FNTB: variants seen among roughly 807,000 people sequenced by gnomAD.
FNTB encodes the protein farnesyltransferase, CAAX box, subunit beta, also known as protein farnesyltransferase subunit beta.
In FNTB, 27 loss-of-function variants were observed where a neutral mutation model predicts 59.4. That is an observed-to-expected ratio of 0.45 (90% confidence interval 0.34 to 0.63). The LOEUF (loss-of-function observed/expected upper bound fraction) is 0.63, where lower values mean the gene tolerates loss of function less well. Ranked by LOEUF, FNTB falls within the 20% of genes least tolerant of loss-of-function variation. FNTB has a pLI of 0.02. For synonymous variants in FNTB, 230 were observed against 220.7 expected (o/e 1.04, Z -0.37); for missense variants, 449 against 559.6 (o/e 0.80, Z 1.99).
At chr14:65,013,683 G>A (rs2061720841) in intron 3 of FNTB, among the ~76,000 whole-genome samples, 1 of 152,142 alleles carries the variant, frequency 6.6e-6, no homozygotes, top group Admixed American at 6.5e-5. Flanking sequence ...GAGTGGCCAG[G>A]ATTACAGGTG....
At chr14:65,037,947 T>C (rs926228291) in intron 7 of FNTB, among the ~76,000 whole-genome samples, 3 of 151,562 alleles carry the variant, frequency 2.0e-5, no homozygotes, top group African/African-American at 7.3e-5. Flanking sequence ...ACCCAGCTAA[T>C]TTTTACGGGG....
chr14:65,053,149 G>C (rs547420027), intron 9 of FNTB, 89 bp from the exon 10 acceptor site: 4 of 1,052,596 alleles, frequency 3.8e-6, no homozygotes, highest in Non-Finnish European at 3.7e-6. Flanking sequence ...AGGAAACCTT[G>C]ACTATTCCCC....
Position 65,027,740 on chromosome 14 carries a change from C to T in FNTB, c.564C>T (p.Asp188=), listed in dbSNP as rs775905373. The stretch of plus-strand genomic sequence containing the variant: ...ATTTGTACTCCCTGAAGCAACCTGA[C>T]GGCTCCTTTCTCATGCATGTCGGAG... ...LQYLYSLKQP[D]GSFLMHVGGE... is the part of the protein sequence containing the mutation. Residue 188 remains aspartate (D), a synonymous_variant, in exon 6 of 12, where the codon GAC becomes GAT. Coordinates refer to ENST00000246166, the MANE Select transcript of FNTB (RefSeq NM_002028.4). This position sits in a 1 kb window ranked among gnomAD's most constrained non-coding sequence, Gnocchi z 5.7. 26 of 1,614,048 alleles carry T rather than the reference C, an allele frequency of 1.6e-5. No homozygotes were observed. In the Admixed American group the frequency reaches 1.7e-4, roughly 10 times the overall value.
chr14:65,022,026 A>C, intron 4 of FNTB: 1 of 456,044 alleles, frequency 2.2e-6, no homozygotes, highest in South Asian at 1.5e-5. Flanking sequence ...TGAAGAGTCA[A>C]ATAACACGTC....
At chr14:64,999,380 A>G (rs149385746) in intron 1 of FNTB, among the ~76,000 whole-genome samples, 10 of 152,308 alleles carry the variant, frequency 6.6e-5, no homozygotes, top group African/African-American at 1.9e-4. Flanking sequence ...AGAGGTTGCA[A>G]TGAGCCAAGA....
At chr14:65,006,114 G>T (rs1223073664) in intron 2 of FNTB, 31 of 1,592,798 alleles carry the variant, frequency 1.9e-5, no homozygotes, top group Non-Finnish European at 2.5e-5. Context: ...CTGCTTACTG[G>T]AACATTATAA....
intron 1 of FNTB, among the ~76,000 whole-genome samples, chr14:64,987,901 T>C (rs1319261452): frequency 6.6e-6 from 1 of 152,218 alleles, no homozygotes; most frequent in Admixed American, 6.5e-5. Context: ...GGTTGCTATG[T>C]GGAACTGTTT....
intron 1 of FNTB, among the ~76,000 whole-genome samples, chr14:64,996,766 CTTTTTTTTTTT>C (rs34327825): frequency 2.1e-5 from 2 of 94,464 alleles, no homozygotes; most frequent in African/African-American, 3.9e-5. Context: ...TTGCTAACAT[CTTTTTTTTTTT>C]TTTTTTTTTT....
chr14:65,048,979 A>T (rs1286217285), intron 9 of FNTB, among the ~76,000 whole-genome samples: 2 of 152,042 alleles, frequency 1.3e-5, no homozygotes, highest in Non-Finnish European at 2.9e-5. Flanking sequence ...ACAAAAAATT[A>T]GCCAGGCATG....
intron 1 of FNTB, among the ~76,000 whole-genome samples, chr14:64,993,037 G>A (rs1195485274): frequency 1.3e-5 from 2 of 152,148 alleles, no homozygotes; most frequent in East Asian, 3.9e-4. Context: ...GGGTTTCCCT[G>A]TGTTGCCCAG....
At chr14:65,015,088 G>C (rs1327089206) in intron 3 of FNTB, among the ~76,000 whole-genome samples, 2 of 149,794 alleles carry the variant, frequency 1.3e-5, no homozygotes, top group Admixed American at 1.3e-4. Flanking sequence ...TAATCCTGTT[G>C]TCTTTTTTTT....
In FNTB at chr14:65,011,230, C is replaced by A. The variant is rs1251876922; in HGVS notation, c.210-1087C>A. 6.6e-6 allele frequency among the ~76,000 whole-genome samples: 1 copy of A among 152,120 alleles called. No homozygotes were observed. On this transcript the variant is annotated intron_variant, in intron 2 of 11. Transcript: ENST00000246166. This position sits in a 1 kb window ranked among gnomAD's most constrained non-coding sequence, Gnocchi z 4.0. ...ATTACCTGAGGTCAGGAGTTCAAGA[C>A]CAGCCTGGGCAACATGGTGAAACCC...
In FNTB at chr14:64,997,394, C is replaced by G. The variant is rs560729708; in HGVS notation, c.145-6855C>G. On this transcript the variant is annotated intron_variant, in intron 1 of 11. Transcript: ENST00000246166. This position sits in a 1 kb window ranked among gnomAD's most constrained non-coding sequence, Gnocchi z 4.5. ...CACATCCCTATGATTTCATCCCCAA[C>G]CAGTCAACATTCCCATTCCCTAACC... Among the ~76,000 whole-genome samples, 9 of 152,290 alleles carry G rather than the reference C, an allele frequency of 5.9e-5. No individual in the cohort carries two copies. The East Asian group carries it at 1.7e-3, about 29-fold the overall frequency.
At position 65,011,457 on chromosome 14, in the gene FNTB, G is replaced by A. The variant is rs146604104; in HGVS notation, c.210-860G>A. ...AAAAAAAAAAAAAAAAAAAAAGACTGCATGAAGGCTCTTACTCTGAGCCAA... is the reference window on the plus strand; with the variant it reads ...AAAAAAAAAAAAAAAAAAAAAGACTACATGAAGGCTCTTACTCTGAGCCAA... On this transcript the variant is annotated intron_variant, in intron 2 of 11. Transcript: ENST00000246166. The surrounding 1 kb of genome is among the most constrained non-coding windows in gnomAD (Gnocchi z 4.0). Among the ~76,000 whole-genome samples, 1,337 of 148,070 alleles carry A rather than the reference G, an allele frequency of 9.0e-3. 21 individuals carry two copies. Among genetic ancestry groups the A allele is most frequent in the African/African-American group, 0.031 (1,237 of 39,540 alleles).
At chr14:65,050,648 T>C (rs538185973) in intron 9 of FNTB, among the ~76,000 whole-genome samples, 2 of 152,372 alleles carry the variant, frequency 1.3e-5, no homozygotes, top group East Asian at 3.9e-4. Flanking sequence ...TTTTAAATTT[T>C]GCTGGTAGCT....
rs2061695191 is a variant in FNTB, at chr14:65,012,255, T to TA, written c.210-61dup. 2 of 1,597,908 alleles carry TA rather than the reference T, an allele frequency of 1.3e-6. No homozygotes were observed. Among genetic ancestry groups the TA allele is most frequent in the East Asian group, 4.5e-5 (2 of 44,708 alleles). ...TTACCCGTGTGTGTGTACGTGCACA[T>TA]ACGTGTGTATGGTGGAAGCATAAGC... On this transcript the variant is annotated intron_variant, in intron 2 of 11. Transcript: ENST00000246166. This position sits in a 1 kb window ranked among gnomAD's most constrained non-coding sequence, Gnocchi z 5.0.
At chr14:65,048,612 G>A (rs148010371) in intron 9 of FNTB, among the ~76,000 whole-genome samples, 69 of 152,302 alleles carry the variant, frequency 4.5e-4, no homozygotes, top group Middle Eastern at 3.4e-3. Flanking sequence ...CAGCACTTTG[G>A]GAGGCCAAAG....
At chr14:64,999,132 A>G (rs1888509648) in intron 1 of FNTB, among the ~76,000 whole-genome samples, 1 of 152,236 alleles carries the variant, frequency 6.6e-6, no homozygotes, top group African/African-American at 2.4e-5. Context: ...AGGTAAATTT[A>G]TAGAGATAGA....
Position 65,001,952 on chromosome 14 carries a change from G to A in FNTB, c.145-2297G>A, listed in dbSNP as rs986282591. 1.3e-5 allele frequency among the ~76,000 whole-genome samples: 2 copies of A among 152,200 alleles called. No individual in the cohort carries two copies. The highest frequency in any genetic ancestry group is 4.8e-5 in the African/African-American group (2 of 41,444). The stretch of plus-strand genomic sequence containing the variant: ...TTCATGTTCAAAAGCAAATATCAAA[G>A]CGTATTCTAAAACCAGATGTAAATT... On this transcript the variant is annotated intron_variant, in intron 1 of 11. Coordinates refer to ENST00000246166, the MANE Select transcript of FNTB (RefSeq NM_002028.4). The surrounding 1 kb of genome is among the most constrained non-coding windows in gnomAD (Gnocchi z 5.5).
Sources: allele counts gnomAD v4.1 joint callset (sites outside exome capture counted in the v4.1 genomes callset), GRCh38; gene constraint gnomAD v4.1.1; non-coding constraint Gnocchi (gnomAD v3.1); transcripts MANE v1.5; gene names NCBI Gene and HGNC (gene_info 2026-07-23, HGNC 2026-07-21).